MAPKAP1: variants seen among roughly 807,000 people sequenced by gnomAD.
MAPKAP1 encodes MAPK associated protein 1.
In MAPKAP1, 20 loss-of-function variants were observed where a neutral mutation model predicts 65.7. That is an observed-to-expected ratio of 0.30 (90% CI 0.21 to 0.44). MAPKAP1 has a LOEUF of 0.44. Ranked by LOEUF, MAPKAP1 falls within the 20% of genes least tolerant of loss-of-function variation. The pLI is 1.00. For missense variants in MAPKAP1, 423 were observed against 648.0 expected (o/e 0.65, Z 3.77); for synonymous variants, 222 against 244.3 (o/e 0.91, Z 0.85).
chr9:125,652,142 G>T, intron 4 of MAPKAP1: 1 of 1,306,280 alleles, frequency 7.7e-7, no homozygotes, highest in Non-Finnish European at 1.0e-6. Context: ...AACATTTCTC[G>T]GTGGCTTCAT....
chr9:125,674,089 AG>A (rs1296225571), intron 1 of MAPKAP1, among the ~76,000 whole-genome samples: 4 of 152,308 alleles, frequency 2.6e-5, no homozygotes, highest in Admixed American at 6.5e-5. Context: ...AGAGACAGAA[AG>A]GGTTCAAACC....
In MAPKAP1 at chr9:125,576,801, G is replaced by A. The variant is rs1036352598; in HGVS notation, c.671+8754C>T. 3.3e-5 allele frequency among the ~76,000 whole-genome samples: 5 copies of A among 152,132 alleles called. No individual in the cohort carries two copies. The South Asian group carries it at 6.2e-4, about 19-fold the overall frequency. Reference sequence around the variant, plus strand: ...CTCCCGAGGTGCTGGGATTGCAGACGGAGTCTCGTTCACTCAGTGCTCAAT... The same window carrying A: ...CTCCCGAGGTGCTGGGATTGCAGACAGAGTCTCGTTCACTCAGTGCTCAAT... On this transcript the variant is annotated intron_variant, in intron 5 of 11. Transcript: ENST00000265960.
intron 4 of MAPKAP1, among the ~76,000 whole-genome samples, chr9:125,619,188 C>T (rs887737480): frequency 8.5e-5 from 13 of 152,234 alleles, no homozygotes; most frequent in African/African-American, 3.1e-4. Flanking sequence ...TAAACATGGG[C>T]TAGTCACATT....
chr9:125,666,908 A>C (rs1295641680), intron 3 of MAPKAP1, among the ~76,000 whole-genome samples: 1 of 152,166 alleles, frequency 6.6e-6, no homozygotes, highest in Non-Finnish European at 1.5e-5. Flanking sequence ...TTTCACTCTA[A>C]CCATCAGGAA....
At chr9:125,542,392 G>T (rs1830279177) in intron 7 of MAPKAP1, among the ~76,000 whole-genome samples, 2 of 152,058 alleles carry the variant, frequency 1.3e-5, no homozygotes, top group Admixed American at 1.3e-4. Context: ...TATTCAACAC[G>T]TCATATATGA....
chr9:125,600,217 G>GA (rs58655238), intron 4 of MAPKAP1, among the ~76,000 whole-genome samples: 183 of 103,394 alleles, frequency 1.8e-3, no homozygotes, highest in Middle Eastern at 5.2e-3. Context: ...AAGTATGAAG[G>GA]AAAAAAAAAA....
chr9:125,707,192 C>A lies in MAPKAP1; in HGVS notation c.-291G>T, dbSNP rs1835794394. 1.0e-5 allele frequency: 4 copies of A among 398,120 alleles called. No homozygotes were observed. Among genetic ancestry groups the A allele is most frequent in the Admixed American group, 4.4e-5 (1 of 22,712 alleles). The allele number at this position is 398,120 out of a possible 1,614,324, so 24.7% of individuals were successfully genotyped here. A position where few individuals can be genotyped will look rare whatever the true frequency, so the allele number is the denominator to read the frequency against. ...GCCGGCCGAGCAGCAGCCCTATTACCCCGAGCCGCACACGACCCGGAACCA... is the reference window on the plus strand; with the variant it reads ...GCCGGCCGAGCAGCAGCCCTATTACACCGAGCCGCACACGACCCGGAACCA... On this transcript the variant is annotated 5_prime_UTR_variant, in exon 1 of 12. Transcript: ENST00000265960.
intron 4 of MAPKAP1, among the ~76,000 whole-genome samples, chr9:125,625,569 C>T (rs1833093044): frequency 6.6e-6 from 1 of 152,070 alleles, no homozygotes; most frequent in Non-Finnish European, 1.5e-5. Flanking sequence ...ACAAGGCAGG[C>T]GGATCACTTG....
At chr9:125,464,013 T>C (rs996065325) in intron 10 of MAPKAP1, among the ~76,000 whole-genome samples, 6 of 151,884 alleles carry the variant, frequency 4.0e-5, no homozygotes, top group African/African-American at 1.2e-4. Flanking sequence ...TCCCTTGCTT[T>C]TGTTTCAGGG....
In MAPKAP1 at chr9:125,444,583, T is replaced by G; in HGVS notation, c.1361A>C (p.Lys454Thr). The change falls in exon 11 of 12, where the codon AAA becomes ACA. Residue 454 changes from lysine (K) to threonine (T), a missense_variant. Physicochemically the swap from Lys to Thr is moderately conservative, Grantham distance 78. Around this residue, in one of 6 missense-constraint regions of MAPKAP1, gnomAD observed 185 missense variants for 268.1 expected, o/e 0.69. Coordinates refer to ENST00000265960, the MANE Select transcript of MAPKAP1 (RefSeq NM_001006617.3). Reference sequence around the variant, plus strand: ...GTCGTGATTGCTTAGATACGTGAGTTTAAATATTGCGTGACCTGCAGAGAC... The same window carrying G: ...GTCGTGATTGCTTAGATACGTGAGTGTAAATATTGCGTGACCTGCAGAGAC... The part of the protein sequence containing the change: ...EEKSPSHAIF[K>T]LTYLSNHDYK... 6.2e-7 allele frequency: 1 copy of G among 1,613,210 alleles called. No individual in the cohort carries two copies. Among genetic ancestry groups the G allele is most frequent in the Non-Finnish European group, 8.5e-7 (1 of 1,179,424 alleles).
At chr9:125,646,462 G>A (rs904662403) in intron 4 of MAPKAP1, among the ~76,000 whole-genome samples, 5 of 152,168 alleles carry the variant, frequency 3.3e-5, no homozygotes, top group African/African-American at 1.2e-4. Flanking sequence ...GGAATGTTAT[G>A]AGGACTGAAC....
Position 125,504,199 on chromosome 9 carries a change from CT to C in MAPKAP1, c.1066+2110del, listed in dbSNP as rs1171178822. Among the ~76,000 whole-genome samples the C allele has an allele frequency of 2.6e-5, 4 of 152,100 alleles. No homozygotes were observed. The East Asian group carries it at 7.7e-4, about 29-fold the overall frequency. Reference sequence around the variant, plus strand: ...TGAGGACTCCCTTTGAAACACCTGGCTTATTTTATATGTGGCTCTAAAATGT... The same window carrying C: ...TGAGGACTCCCTTTGAAACACCTGGCTATTTTATATGTGGCTCTAAAATGT... On this transcript the variant is annotated intron_variant, in intron 8 of 11. Transcript: ENST00000265960.
intron 5 of MAPKAP1, among the ~76,000 whole-genome samples, chr9:125,567,005 TGCTA>T (rs1831076227): frequency 6.6e-6 from 1 of 152,164 alleles, no homozygotes; most frequent in Non-Finnish European, 1.5e-5. Flanking sequence ...GCTGTTCCAA[TGCTA>T]GCTATTTCAG....
At chr9:125,620,527 G>A (rs148568074) in intron 4 of MAPKAP1, among the ~76,000 whole-genome samples, 84 of 152,180 alleles carry the variant, frequency 5.5e-4, no homozygotes, top group African/African-American at 2.0e-3. Context: ...ACATATAATC[G>A]CACATGCACA....
intron 4 of MAPKAP1, among the ~76,000 whole-genome samples, chr9:125,590,718 A>C (rs1220793667): frequency 6.6e-6 from 1 of 152,168 alleles, no homozygotes; most frequent in Non-Finnish European, 1.5e-5. Context: ...AACTCTGCTA[A>C]ATGTTTGCCT....
intron 1 of MAPKAP1, among the ~76,000 whole-genome samples, chr9:125,689,852 C>T (rs990104715): frequency 4.7e-5 from 7 of 150,330 alleles, no homozygotes; most frequent in African/African-American, 4.9e-5. Flanking sequence ...TTTGAGAGGC[C>T]GAGGTGGGCG....
At chr9:125,606,974 C>T (rs1044734368) in intron 4 of MAPKAP1, among the ~76,000 whole-genome samples, 3 of 152,158 alleles carry the variant, frequency 2.0e-5, no homozygotes, top group African/African-American at 7.2e-5. Context: ...TCCAGCTTCA[C>T]TACTTACTAG....
intron 7 of MAPKAP1, among the ~76,000 whole-genome samples, chr9:125,526,898 C>T (rs1426993735): frequency 3.3e-5 from 5 of 151,586 alleles, no homozygotes; most frequent in Admixed American, 2.6e-4. Flanking sequence ...CTTAGCCTCC[C>T]GAGTAGCTGG....
At chr9:125,596,970 A>AG (rs892038073) in intron 4 of MAPKAP1, among the ~76,000 whole-genome samples, 14 of 150,880 alleles carry the variant, frequency 9.3e-5, no homozygotes, top group Non-Finnish European at 1.8e-4. Flanking sequence ...TCTTAAAAAA[A>AG]AAAAAAAAAA....
Sources: allele counts gnomAD v4.1 joint callset (sites outside exome capture counted in the v4.1 genomes callset), GRCh38; gene constraint gnomAD v4.1.1; regional missense constraint gnomAD v4.1.1; transcripts MANE v1.5; gene names NCBI Gene and HGNC (gene_info 2026-07-23, HGNC 2026-07-21).